The following WNK4 variants were observed in gnomAD, a reference collection of about 807,000 sequenced individuals.
The protein encoded by WNK4 is WNK lysine deficient protein kinase 4.
Under a neutral mutation model 116.2 loss-of-function variants are expected in WNK4, and 94 were observed. That is an observed-to-expected ratio of 0.81 (90% CI 0.68 to 0.96). The LOEUF (loss-of-function observed/expected upper bound fraction) is 0.96. Among genes scored for constraint, WNK4 ranks in the 40% least tolerant of loss-of-function variants. WNK4 has a pLI of 0.00. For missense variants in WNK4, 1,542 were observed against 1,650.6 expected, an observed-to-expected ratio of 0.93 and a Z score of 1.14; for synonymous variants, 655 against 672.7, an observed-to-expected ratio of 0.97 and a Z score of 0.41.
intron 11 of WNK4, among the ~76,000 whole-genome samples, chr17:42,791,687 A>T (rs1486064360): frequency 6.7e-6 from 1 of 149,224 alleles, no homozygotes. Flanking sequence ...GGCCGGGCGC[A>T]GTGGCTCACA....
intron 6 of WNK4, among the ~76,000 whole-genome samples, 178 bp from the exon 7 acceptor site, chr17:42,787,100 G>T (rs955768814): frequency 6.6e-6 from 1 of 152,336 alleles, no homozygotes; most frequent in East Asian, 1.9e-4. Flanking sequence ...TATCCCACAA[G>T]GTTGTTTGGA....
intron 17 of WNK4, 43 bp downstream of exon 17, chr17:42,796,365 C>T (rs1567655879): frequency 1.9e-6 from 3 of 1,609,966 alleles, no homozygotes; most frequent in Middle Eastern, 1.7e-4. Flanking sequence ...CCCTGAGACC[C>T]CTTTCTGTCG....
chr17:42,782,908 A>C lies in WNK4; in HGVS notation c.769A>C (p.Met257Leu). 7.4e-6 allele frequency: 12 copies of C among 1,614,170 alleles called. No individual in the cohort carries two copies. Among genetic ancestry groups the C allele is most frequent in the Non-Finnish European group, 1.0e-5 (12 of 1,180,020 alleles). ...QVCIVLVTEL[M>L]TSGTLKTYLR... ...TTGCATCGTGCTGGTCACCGAACTCATGACCTCGGGCACGCTCAAGACGTG... is the reference window on the plus strand; with the variant it reads ...TTGCATCGTGCTGGTCACCGAACTCCTGACCTCGGGCACGCTCAAGACGTG... The change falls in exon 2 of 19, where the codon ATG becomes CTG. Residue 257 changes from methionine to leucine, a missense_variant. Around this residue, in one of 7 missense-constraint regions of WNK4, gnomAD observed 808 missense variants for 873.6 expected, o/e 0.92. Coordinates refer to ENST00000246914, the MANE Select transcript of WNK4 (RefSeq NM_032387.5). This position sits in a 1 kb window ranked among gnomAD's most constrained non-coding sequence, Gnocchi z 4.2.
At position 42,795,635 on chromosome 17, in the gene WNK4, G is replaced by A. The variant is rs780181511; in HGVS notation, c.3033G>A (p.Pro1011=). Residue 1011 remains proline, a synonymous_variant, in exon 16 of 19, where the codon CCG becomes CCA. Transcript: ENST00000246914. ...RLAPISEEGK[P]QLVGRFQVTS... ...CTCGTCGCCCTACAGAGGGAAAGCC[G>A]CAGCTTGTTGGGCGTTTCCAAGTGA... is the stretch of plus-strand genomic sequence containing the variant. 9.9e-6 allele frequency: 16 copies of A among 1,613,512 alleles called. No individual in the cohort carries two copies. The highest frequency in any genetic ancestry group is 3.3e-5 in the Admixed American group (2 of 60,008).
chr17:42,789,152 G>T (rs2054583717), intron 11 of WNK4, among the ~76,000 whole-genome samples: 1 of 152,104 alleles, frequency 6.6e-6, no homozygotes, highest in Non-Finnish European at 1.5e-5. Context: ...GGCAAGAAAG[G>T]CTGTGAAGGG....
Position 42,796,175 on chromosome 17 carries a change from G to A in WNK4, c.3484G>A (p.Asp1162Asn). 6.2e-7 allele frequency: 1 copy of A among 1,614,110 alleles called. No homozygotes were observed. The highest frequency in any genetic ancestry group is 8.5e-7 in the Non-Finnish European group (1 of 1,180,026). The change falls in exon 17 of 19, where the codon GAT (aspartate) becomes AAT (asparagine). Residue 1162 changes from aspartate (D) to asparagine (N), a missense_variant. Physicochemically the swap from Asp to Asn is conservative, Grantham distance 23. This residue lies in a region of WNK4 where 148 missense variants were observed against 157.2 expected (regional missense o/e 0.94). Coordinates refer to ENST00000246914, the MANE Select transcript of WNK4 (RefSeq NM_032387.5). ...LQTLQKKEIE[D>N]LYSRLGKQPP... ...GACACTACAGAAAAAAGAAATTGAA[G>A]ATTTGTACAGCCGGCTGGGGAAGCA...
In WNK4 at chr17:42,795,825, C is replaced by G. The variant is rs201421543; in HGVS notation, c.3223C>G (p.Arg1075Gly). The change falls in exon 16 of 19, where the codon CGT becomes GGT. Residue 1075 changes from arginine (R) to glycine (G), a missense_variant. Arg to Gly is a moderately radical substitution (Grantham distance 125). This residue lies in a region of WNK4 where 292 missense variants were observed against 290.1 expected (regional missense o/e 1.01). Transcript: ENST00000246914. Reference sequence around the variant, plus strand: ...CAGGGAAGCTCTGGCTGAGAGCGACCGTGCAGCTGAGGGTCTGGGGGCTGG... The same window carrying G: ...CAGGGAAGCTCTGGCTGAGAGCGACGGTGCAGCTGAGGGTCTGGGGGCTGG... Reference protein sequence around the residue: ...ETREALAESDRAAEGLGAGVE... With the variant: ...ETREALAESDGAAEGLGAGVE... 1.2e-6 allele frequency: 2 copies of G among 1,613,778 alleles called. No homozygotes were observed. The highest frequency in any genetic ancestry group is 3.3e-5 in the Admixed American group (2 of 60,016).
rs1452643330 is a variant in WNK4 at position 42,784,162 on chromosome 17, G to C, written c.1012+5G>C. The C allele has an allele frequency of 2.5e-6, 4 of 1,604,362 alleles. No homozygotes were observed. The highest frequency in any genetic ancestry group is 1.7e-5 in the Admixed American group (1 of 60,000). On this transcript the variant is annotated splice_donor_5th_base_variant and intron_variant, in intron 3 of 18. Transcript: ENST00000246914. This position sits in a 1 kb window ranked among gnomAD's most constrained non-coding sequence, Gnocchi z 4.4. ...CCTTTGCCAAGAGTGTCATCGGTGC[G>C]TCTCTCCAGGAGGGTCCATGCCATT...
chr17:42,784,615 A>G lies in WNK4; in HGVS notation c.1170+36A>G. The G allele has an allele frequency of 6.2e-7, 1 of 1,613,074 alleles. No homozygotes were observed. Among genetic ancestry groups the G allele is most frequent in the Non-Finnish European group, 8.5e-7 (1 of 1,179,776 alleles). ...TGGGGCTGGCGGGAAAGGCAATTCC[A>G]GGGCCACTTCCCCTTTTCCTGCGCC... On this transcript the variant is annotated intron_variant, in intron 4 of 18. Coordinates refer to ENST00000246914, the MANE Select transcript of WNK4 (RefSeq NM_032387.5). This position sits in a 1 kb window ranked among gnomAD's most constrained non-coding sequence, Gnocchi z 4.4.
Position 42,780,809 on chromosome 17 carries a change from GC to G in WNK4, c.116del (p.Pro39LeufsTer32). 1 of 1,602,272 alleles carries G rather than the reference GC, an allele frequency of 6.2e-7. No individual in the cohort carries two copies. ...LGTAGQPRLG[P>X]PPRRARRFSG... ...GCACCGCGGGGCAGCCCCGCCTCGGGCCCCCTCCTCGCCGAGCGCGCCGCTT... is the reference window on the plus strand; with the variant it reads ...GCACCGCGGGGCAGCCCCGCCTCGGGCCCCTCCTCGCCGAGCGCGCCGCTT... On this transcript the variant is annotated frameshift_variant, in exon 1 of 19. Transcript: ENST00000246914. LOFTEE classifies it high-confidence loss of function.
In WNK4 at chr17:42,796,954, C is replaced by T. The variant is rs999717286; in HGVS notation, c.*266C>T. 3.2e-6 allele frequency: 2 copies of T among 624,190 alleles called. No individual in the cohort carries two copies. The highest frequency in any genetic ancestry group is 3.7e-5 in the African/African-American group (2 of 54,162). 38.7% of individuals were successfully genotyped at this position (624,190 alleles called of 1,614,324 possible). A position where few individuals can be genotyped will look rare whatever the true frequency, so the allele number is the denominator to read the frequency against. On this transcript the variant is annotated 3_prime_UTR_variant, in exon 19 of 19. Coordinates refer to ENST00000246914, the MANE Select transcript of WNK4 (RefSeq NM_032387.5). ...CCCCTGCCAAGAGTCAACCACTAAG[C>T]AATCCCACCCAAGCCTGGATGCTTC...
Position 42,787,797 on chromosome 17 carries a change from C to A in WNK4, c.1761C>A (p.Gly587=). ...AACCAGCGGATTGCGAGACTGATGGCTACCTCAGCTCCTCCGGCTTCCTGG... is the reference window on the plus strand; with the variant it reads ...AACCAGCGGATTGCGAGACTGATGGATACCTCAGCTCCTCCGGCTTCCTGG... ...SSTTSDCETD[G]YLSSSGFLDA... Residue 587 remains glycine (G), a synonymous_variant, in exon 8 of 19, where the codon GGC becomes GGA. Coordinates refer to ENST00000246914, the MANE Select transcript of WNK4 (RefSeq NM_032387.5). 6.2e-7 allele frequency: 1 copy of A among 1,612,462 alleles called. No homozygotes were observed. The highest frequency in any genetic ancestry group is 8.5e-7 in the Non-Finnish European group (1 of 1,180,014).
At chr17:42,795,554 A>G in intron 15 of WNK4, 33 bp downstream of exon 15, 1 of 1,614,102 alleles carries the variant, frequency 6.2e-7, no homozygotes, top group Non-Finnish European at 8.5e-7. Context: ...TTCCCCTGCC[A>G]TTATCCCTAC....
rs2290041 is a variant in WNK4, at chr17:42,795,302, C to T, written c.2881C>T (p.Pro961Ser). Residue 961 changes from proline (P) to serine (S), a missense_variant, in exon 14 of 19, where the codon CCT becomes TCT. Coordinates refer to ENST00000246914, the MANE Select transcript of WNK4 (RefSeq NM_032387.5). ...TCCTCCAGCCCCTCCTAGTCCCCTC[C>T]CTAGCCTGCCCCTTCCCCCTCCCGT... The part of the protein sequence containing the change: ...QSPPAPPSPL[P>S]SLPLPPPVAP... The T allele has an allele frequency of 0.021, 33,914 of 1,613,788 alleles. 2,880 individuals carry two copies. The African/African-American group carries it at 0.23, about 11-fold the overall frequency.
At position 42,784,265 on chromosome 17, in the gene WNK4, A is replaced by G; in HGVS notation, c.1012+108A>G. 1.3e-6 allele frequency: 2 copies of G among 1,553,692 alleles called. No homozygotes were observed. The highest frequency in any genetic ancestry group is 8.8e-7 in the Non-Finnish European group (1 of 1,133,496). ...GGCCTTCAAGGTCCACAAAACTACCAGACGACAGGGAAGCTGAGGAGACCT... is the reference window on the plus strand; with the variant it reads ...GGCCTTCAAGGTCCACAAAACTACCGGACGACAGGGAAGCTGAGGAGACCT... On this transcript the variant is annotated intron_variant, in intron 3 of 18. Coordinates refer to ENST00000246914, the MANE Select transcript of WNK4 (RefSeq NM_032387.5). This position sits in a 1 kb window ranked among gnomAD's most constrained non-coding sequence, Gnocchi z 4.4.
At chr17:42,791,844 A>G (rs111336665) in intron 11 of WNK4, among the ~76,000 whole-genome samples, 15,978 of 150,796 alleles carry the variant, frequency 0.11, 2,549 homozygotes, top group African/African-American at 0.35. Context: ...CCAGCTACTC[A>G]AGAGGCTGAT....
rs780101294 is a variant in WNK4 at position 42,795,267 on chromosome 17, T to G, written c.2846T>G (p.Leu949Arg). 2 of 1,613,826 alleles carry G rather than the reference T, an allele frequency of 1.2e-6. No individual in the cohort carries two copies. The highest frequency in any genetic ancestry group is 3.3e-5 in the Admixed American group (2 of 59,998). Reference protein sequence around the residue: ...QSLLSPSPGLLSQSPPAPPSP... With the variant: ...QSLLSPSPGLRSQSPPAPPSP... ...CTGCTGTCCCCCTCACCTGGGCTCC[T>G]TTCCCAGTCTCCTCCAGCCCCTCCT... Residue 949 changes from leucine to arginine, a missense_variant, in exon 14 of 19, where the codon CTT (leucine) becomes CGT (arginine). By Grantham distance (102) the Leu-to-Arg change is moderately radical (BLOSUM62 -2). This residue lies in a region of WNK4 where 292 missense variants were observed against 290.1 expected (regional missense o/e 1.01). Transcript: ENST00000246914.
Position 42,780,724 on chromosome 17 carries a change from C to T in WNK4, c.26C>T (p.Thr9Ile), listed in dbSNP as rs1193625083. Residue 9 changes from threonine to isoleucine, a missense_variant, in exon 1 of 19, where the codon ACC becomes ATC. Physicochemically the swap from Thr to Ile is moderately conservative, Grantham distance 89. Around this residue, in one of 7 missense-constraint regions of WNK4, gnomAD observed 243 missense variants for 217.8 expected, o/e 1.12. Transcript: ENST00000246914. Reference sequence around the variant, plus strand: ...ATGTTGGCATCCCCGGCCACGGAGACCACCGTCCTCATGTCCCAGACTGAG... The same window carrying T: ...ATGTTGGCATCCCCGGCCACGGAGATCACCGTCCTCATGTCCCAGACTGAG... MLASPATE[T>I]TVLMSQTEAD... 1 of 1,609,066 alleles carries T rather than the reference C, an allele frequency of 6.2e-7. No homozygotes were observed. Among genetic ancestry groups the T allele is most frequent in the Admixed American group, 1.7e-5 (1 of 59,992 alleles).
chr17:42,787,873 G>T lies in WNK4; in HGVS notation c.1837G>T (p.Ala613Ser). The change falls in exon 8 of 19, where the codon GCT (alanine) becomes TCT (serine). Residue 613 changes from alanine (A) to serine (S), a missense_variant. By Grantham distance (99) the Ala-to-Ser change is moderately conservative (BLOSUM62 1). Coordinates refer to ENST00000246914, the MANE Select transcript of WNK4 (RefSeq NM_032387.5). ...CCCTGGGGGGGTGCCATCCAGCCTG[G>T]CTGAGTCCCATCTCTGCCTGCCCTC... ...QPPGGVPSSL[A>S]ESHLCLPSAF... The T allele has an allele frequency of 6.2e-7, 1 of 1,611,124 alleles. No individual in the cohort carries two copies.
Sources: gnomAD v4.1 joint callset for allele counts (sites outside exome capture counted in the v4.1 genomes callset) on GRCh38, gnomAD v4.1.1 for gene constraint, gnomAD v4.1.1 regional missense constraint, Gnocchi (gnomAD v3.1) non-coding constraint, MANE v1.5 for transcripts, NCBI Gene and HGNC (gene_info 2026-07-23, HGNC 2026-07-21) for gene names.